The following UBR3 variants were observed in gnomAD, a reference collection of about 807,000 sequenced individuals.
UBR3 encodes ubiquitin protein ligase E3 component n-recognin 3, also known as E3 ubiquitin-protein ligase UBR3.
UBR3 carries 85 observed loss-of-function variants against 243.2 expected under a neutral mutation model. The ratio of observed to expected loss-of-function variants is 0.35; its 90% CI spans 0.29 to 0.42. UBR3 has a LOEUF of 0.42. UBR3 is among the 10% of genes least tolerant of loss of function. UBR3 has a pLI of 1.00. For missense variants in UBR3, 1,686 were observed against 2,300.8 expected (o/e 0.73, Z 5.47); for synonymous variants, 748 against 799.8 (o/e 0.94, Z 1.09).
chr2:169,896,821 TTAC>T, intron 8 of UBR3, 86 bp downstream of exon 8: 1 of 894,136 alleles, frequency 1.1e-6, no homozygotes, highest in Non-Finnish European at 1.6e-6. Flanking sequence ...CTTAGTAATA[TTAC>T]TAATAATGAT....
chr2:170,059,896 G>C (rs1419366803), intron 33 of UBR3, among the ~76,000 whole-genome samples: 1 of 152,118 alleles, frequency 6.6e-6, no homozygotes, highest in Non-Finnish European at 1.5e-5. Context: ...TTAATTAGCA[G>C]GTATTTCTTG....
chr2:169,857,064 G>GTGTTTTTTTTT (rs2082901630), intron 1 of UBR3, among the ~76,000 whole-genome samples: 1 of 56,082 alleles, frequency 1.8e-5, no homozygotes, highest in African/African-American at 7.1e-5. Flanking sequence ...ATTTTATTAT[G>GTGTTTTTTTTT]TTTTTTTTTT....
intron 5 of UBR3, among the ~76,000 whole-genome samples, chr2:169,887,069 C>G (rs530675137): frequency 2.9e-3 from 434 of 151,740 alleles, no homozygotes; most frequent in Non-Finnish European, 5.3e-3. Flanking sequence ...GAAAATCCAT[C>G]AAAAAAAAGA....
chr2:169,896,794 T>C, intron 8 of UBR3, 59 bp downstream of exon 8: 1 of 1,217,654 alleles, frequency 8.2e-7, no homozygotes, highest in Non-Finnish European at 1.1e-6. Flanking sequence ...TCTAGTATTA[T>C]TAGTGTACTT....
At chr2:169,831,128 T>TATATATATATATATATA (rs1491457428) in intron 1 of UBR3, among the ~76,000 whole-genome samples, 30 of 36,412 alleles carry the variant, frequency 8.2e-4, no homozygotes, top group South Asian at 3.2e-3. Flanking sequence ...TATATATATA[T>TATATATATATATATATA]TTTTTTTTTT....
chr2:169,971,812 G>A (rs1396626263), intron 24 of UBR3, among the ~76,000 whole-genome samples: 5 of 152,044 alleles, frequency 3.3e-5, no homozygotes, highest in Admixed American at 2.6e-4. Context: ...GGAGAAAGCA[G>A]GAAAGATCCA....
intron 1 of UBR3, among the ~76,000 whole-genome samples, chr2:169,857,069 T>TG (rs2082905847): frequency 5.5e-5 from 1 of 18,308 alleles, no homozygotes; most frequent in African/African-American, 1.2e-4. Context: ...ATTATGTTTT[T>TG]TTTTTTTTTT....
Position 170,054,833 on chromosome 2 carries a change from G to A in UBR3, c.4661-627G>A, listed in dbSNP as rs546875717. ...TTGTTATTGAGCATGTGAAGCCCAGGAAGGGCATTTGCCAGGGTTCCACAG... is the reference window on the plus strand; with the variant it reads ...TTGTTATTGAGCATGTGAAGCCCAGAAAGGGCATTTGCCAGGGTTCCACAG... On this transcript the variant is annotated intron_variant, in intron 32 of 38. Coordinates refer to ENST00000272793, the MANE Select transcript of UBR3 (RefSeq NM_172070.4). Among the ~76,000 whole-genome samples, 6 of 152,256 alleles carry A rather than the reference G, an allele frequency of 3.9e-5. No homozygotes were observed. The East Asian group carries it at 1.2e-3, about 29-fold the overall frequency.
Position 169,905,173 on chromosome 2 carries a change from A to C in UBR3, c.1525A>C (p.Thr509Pro). 1 of 1,545,718 alleles carries C rather than the reference A, an allele frequency of 6.5e-7. No homozygotes were observed. The highest frequency in any genetic ancestry group is 8.7e-7 in the Non-Finnish European group (1 of 1,144,370). Residue 509 changes from threonine to proline, a missense_variant, in exon 9 of 39, where the codon ACT (threonine) becomes CCT (proline). Coordinates refer to ENST00000272793, the MANE Select transcript of UBR3 (RefSeq NM_172070.4). ...NCGEALLKNN[T>P]YWPLVSDFIN... ...TGGAGAAGCATTACTGAAGAATAAC[A>C]CTTACTGGCCTCTTGTTAGTGATTT...
intron 26 of UBR3, among the ~76,000 whole-genome samples, 159 bp downstream of exon 26, chr2:169,994,615 T>C (rs185840804): frequency 2.4e-4 from 37 of 152,366 alleles, no homozygotes; most frequent in Middle Eastern, 6.8e-3. Flanking sequence ...GGAAATCTGT[T>C]AATAAACATT....
At chr2:170,077,215 A>G (rs2091828531) in intron 36 of UBR3, 1 of 704,088 alleles carries the variant, frequency 1.4e-6, no homozygotes, top group South Asian at 1.4e-5. Context: ...AATATCTATG[A>G]AAGTGCTGTC....
intron 3 of UBR3, among the ~76,000 whole-genome samples, chr2:169,876,354 A>G (rs1181364830): frequency 6.6e-6 from 1 of 152,168 alleles, no homozygotes; most frequent in African/African-American, 2.4e-5. Context: ...TGCTGGGATT[A>G]CAGGCGTGAG....
intron 24 of UBR3, 69 bp downstream of exon 24, chr2:169,958,595 T>C: frequency 2.9e-6 from 4 of 1,362,448 alleles, no homozygotes; most frequent in Non-Finnish European, 4.1e-6. Context: ...TGTAGTCCAG[T>C]CTTTTACTAA....
At chr2:169,829,240 A>G (rs897626222) in intron 1 of UBR3, among the ~76,000 whole-genome samples, 2 of 152,144 alleles carry the variant, frequency 1.3e-5, no homozygotes, top group Non-Finnish European at 2.9e-5. Context: ...TGAATGAAAC[A>G]TTGACCAACC....
intron 30 of UBR3, among the ~76,000 whole-genome samples, chr2:170,025,674 G>A (rs1012360545): frequency 6.6e-6 from 1 of 152,170 alleles, no homozygotes; most frequent in Non-Finnish European, 1.5e-5. Context: ...TGAGCATTCT[G>A]TTGAGCAATT....
At chr2:170,004,219 A>G (rs752637234) in intron 27 of UBR3, among the ~76,000 whole-genome samples, 2 of 152,186 alleles carry the variant, frequency 1.3e-5, no homozygotes, top group Non-Finnish European at 2.9e-5. Context: ...GAAAATGGAG[A>G]GGAGAATATA....
At chr2:169,841,751 G>A (rs1006654098) in intron 1 of UBR3, among the ~76,000 whole-genome samples, 3 of 152,228 alleles carry the variant, frequency 2.0e-5, no homozygotes, top group African/African-American at 7.2e-5. Context: ...TTTCTCTCCG[G>A]GCCTTGGCTG....
At chr2:169,853,597 C>G (rs548579155) in intron 1 of UBR3, among the ~76,000 whole-genome samples, 1 of 151,814 alleles carries the variant, frequency 6.6e-6, no homozygotes, top group Admixed American at 6.6e-5. Flanking sequence ...ACTACAGGTG[C>G]GTATCACCAC....
At chr2:169,847,638 T>A (rs2082526676) in intron 1 of UBR3, among the ~76,000 whole-genome samples, 1 of 152,206 alleles carries the variant, frequency 6.6e-6, no homozygotes, top group Non-Finnish European at 1.5e-5. Flanking sequence ...TTTCCAGTGC[T>A]CTTTGTTTCT....
Sources: allele counts gnomAD v4.1 joint callset (sites outside exome capture counted in the v4.1 genomes callset), GRCh38; gene constraint gnomAD v4.1.1; transcripts MANE v1.5; gene names NCBI Gene and HGNC (gene_info 2026-07-23, HGNC 2026-07-21).